COL4A6: variants seen among roughly 807,000 people sequenced by gnomAD.
COL4A6 encodes collagen alpha-6(IV) chain.
A neutral mutation model predicts 126.7 loss-of-function variants in COL4A6; 59 were observed. That is an observed-to-expected ratio of 0.47 (90% CI 0.38 to 0.58). The LOEUF is 0.58. COL4A6 is among the 20% of genes least tolerant of loss of function. The pLI is 0.00. For synonymous variants in COL4A6, 547 were observed against 496.6 expected (o/e 1.10, Z -1.35); for missense variants, 1,285 against 1,337.3 (o/e 0.96, Z 0.61).
intron 2 of COL4A6, among the ~76,000 whole-genome samples, chrX:108,337,214 G>A (rs755398493): frequency 3.6e-5 from 4 of 111,722 alleles, no homozygotes; most frequent in Non-Finnish European, 7.6e-5. Flanking sequence ...TATTTTACAT[G>A]TGTATATATA....
chrX:108,157,321 G>T, intron 44 of COL4A6, 61 bp from the exon 45 acceptor site: 1 of 1,171,091 alleles, frequency 8.5e-7, no homozygotes, highest in African/African-American at 1.8e-5. Flanking sequence ...GTGGGGAGGG[G>T]ATGGGTGCTC....
At chrX:108,260,000 T>C (rs935060598) in intron 3 of COL4A6, among the ~76,000 whole-genome samples, 1 of 110,879 alleles carries the variant, frequency 9.0e-6, no homozygotes, top group African/African-American at 3.3e-5. Context: ...TTTAGTATTT[T>C]TTTTTCGGAT....
Position 108,178,765 on chromosome X carries a change from C to T in COL4A6, c.2434G>A (p.Gly812Ser). Reference protein sequence around the residue: ...PGTPGQVGQPGTPGSSGPYGI... With the variant: ...PGTPGQVGQPSTPGSSGPYGI... ...TATGGACCACTAGATCCTGGGGTGC[C>T]TGGCTGTCCCACCTGTCCTGGTGTC... Residue 812 changes from glycine (G) to serine (S), a missense_variant, in exon 27 of 45, where the codon GGC becomes AGC. By Grantham distance (56) the Gly-to-Ser change is moderately conservative. Transcript: ENST00000334504. The T allele has an allele frequency of 8.3e-7, 1 of 1,211,947 alleles. No individual in the cohort carries two copies. The highest frequency in any genetic ancestry group is 1.1e-6 in the Non-Finnish European group (1 of 895,547).
intron 2 of COL4A6, among the ~76,000 whole-genome samples, chrX:108,358,334 A>G (rs1247725056): frequency 1.8e-5 from 2 of 111,143 alleles, no homozygotes. Flanking sequence ...GAGGACTAGT[A>G]TGGCTCTACC....
intron 2 of COL4A6, among the ~76,000 whole-genome samples, chrX:108,421,087 A>C (rs750851500): frequency 8.9e-6 from 1 of 112,177 alleles, no homozygotes; most frequent in Non-Finnish European, 1.9e-5. Flanking sequence ...TCTAACCGGA[A>C]CTACTAGTAG....
intron 2 of COL4A6, among the ~76,000 whole-genome samples, chrX:108,349,174 A>G (rs1191039203): frequency 2.7e-5 from 3 of 111,663 alleles, no homozygotes; most frequent in African/African-American, 9.8e-5. Flanking sequence ...CTTGAACGGC[A>G]CAGTGAAAAC....
At chrX:108,425,167 A>ATG (rs3081000) in intron 2 of COL4A6, among the ~76,000 whole-genome samples, 120 of 89,243 alleles carry the variant, frequency 1.3e-3, no homozygotes, top group African/African-American at 3.5e-3. Flanking sequence ...AGTTAACTGT[A>ATG]TGTGTGTGTG....
intron 6 of COL4A6, 142 bp from the exon 7 acceptor site, chrX:108,211,882 G>A: frequency 2.0e-6 from 1 of 495,224 alleles, no homozygotes; most frequent in Admixed American, 3.4e-5. Context: ...TGTACTAAGG[G>A]GCAAAACACA....
rs188779863 is a variant in COL4A6, at chrX:108,178,979, C to T, written c.2354-134G>A. ...GCCTTGTTGCTATTCCCAGCCGTAA[C>T]CCAGTCTTTGCAAGAAATTTGACTA... On this transcript the variant is annotated intron_variant, in intron 26 of 44. Coordinates refer to ENST00000334504, the MANE Select transcript of COL4A6 (RefSeq NM_033641.4). 6.2e-3 allele frequency: 5,019 copies of T among 806,510 alleles called. 12 individuals carry two copies. Among genetic ancestry groups the T allele is most frequent in the Non-Finnish European group, 6.7e-3 (3,919 of 585,646 alleles). The allele number at this position is 806,510 out of a possible 1,213,427, so 66.5% of individuals were successfully genotyped here.
intron 2 of COL4A6, among the ~76,000 whole-genome samples, chrX:108,346,988 C>A (rs1305874942): frequency 1.8e-5 from 2 of 112,183 alleles, no homozygotes; most frequent in Admixed American, 1.9e-4. Flanking sequence ...CCTAGAGTGT[C>A]GTTTATTGTC....
At chrX:108,343,163 A>AGTGTGTGTGTGTG (rs1417437971) in intron 2 of COL4A6, among the ~76,000 whole-genome samples, 15 of 32,486 alleles carry the variant, frequency 4.6e-4, no homozygotes, top group African/African-American at 1.3e-3. Flanking sequence ...ATATATATAT[A>AGTGTGTGTGTGTG]TAGTGTGTGT....
chrX:108,264,196 C>A (rs1377768609), intron 3 of COL4A6, among the ~76,000 whole-genome samples: 1 of 110,929 alleles, frequency 9.0e-6, no homozygotes, highest in Non-Finnish European at 1.9e-5. Flanking sequence ...ACCTCTACTA[C>A]CCAGTGAAGC....
chrX:108,264,985 C>T (rs1177895996), intron 3 of COL4A6, among the ~76,000 whole-genome samples: 2 of 111,942 alleles, frequency 1.8e-5, no homozygotes, highest in Non-Finnish European at 3.8e-5. Flanking sequence ...CTCTCTTAAC[C>T]TCAGCTTTCT....
At chrX:108,199,954 G>C (rs2035340264) in intron 13 of COL4A6, among the ~76,000 whole-genome samples, 1 of 111,942 alleles carries the variant, frequency 8.9e-6, no homozygotes, top group Non-Finnish European at 1.9e-5. Context: ...AATTAGCTGC[G>C]TGATTCTGGA....
intron 2 of COL4A6, among the ~76,000 whole-genome samples, chrX:108,398,128 G>A (rs932961450): frequency 8.9e-6 from 1 of 112,153 alleles, no homozygotes; most frequent in Non-Finnish European, 1.9e-5. Context: ...AGGTCAAAAA[G>A]TACTCGCCCC....
intron 2 of COL4A6, among the ~76,000 whole-genome samples, chrX:108,435,771 G>A (rs906517500): frequency 8.9e-6 from 1 of 112,100 alleles, no homozygotes; most frequent in Admixed American, 9.5e-5. Context: ...ATCTTTAAAT[G>A]CTTGCCAATA....
intron 2 of COL4A6, among the ~76,000 whole-genome samples, chrX:108,405,082 G>C (rs1327222774): frequency 1.8e-5 from 2 of 111,881 alleles, no homozygotes; most frequent in Middle Eastern, 4.7e-3. Flanking sequence ...TAAAGCATGA[G>C]TGAAAGACTG....
intron 3 of COL4A6, among the ~76,000 whole-genome samples, chrX:108,250,304 C>G (rs774152706): frequency 2.7e-5 from 3 of 109,641 alleles, no homozygotes; most frequent in African/African-American, 1.0e-4. Context: ...GAGAAGGGGC[C>G]GAGTGAGAAA....
chrX:108,292,953 GA>G (rs1299619024), intron 3 of COL4A6, among the ~76,000 whole-genome samples: 184 of 13,271 alleles, frequency 0.014, 1 homozygote, highest in African/African-American at 0.029. Context: ...CGTCTCTTAG[GA>G]AAAAAAAAAA....
Sources: gnomAD v4.1 joint callset for allele counts (sites outside exome capture counted in the v4.1 genomes callset) on GRCh38, gnomAD v4.1.1 for gene constraint, MANE v1.5 for transcripts, NCBI Gene and HGNC (gene_info 2026-07-23, HGNC 2026-07-21) for gene names.